The following ZNF385B variants were observed in gnomAD, a reference collection of about 807,000 sequenced individuals.
The protein encoded by ZNF385B is zinc finger protein 533.
A neutral mutation model predicts 39.2 loss-of-function variants in ZNF385B; 23 were observed. That is an observed-to-expected ratio of 0.59 (90% CI 0.42 to 0.83). The LOEUF (loss-of-function observed/expected upper bound fraction) is 0.83. Ranked by LOEUF, ZNF385B falls within the 40% of genes least tolerant of loss-of-function variation. ZNF385B has a pLI of 0.00. For synonymous variants in ZNF385B, 205 were observed against 222.6 expected (o/e 0.92, Z 0.70); for missense variants, 552 against 598.9 (o/e 0.92, Z 0.82).
intron 3 of ZNF385B, among the ~76,000 whole-genome samples, chr2:179,586,488 A>C (rs1687083551): frequency 6.6e-6 from 1 of 152,132 alleles, no homozygotes; most frequent in South Asian, 2.1e-4. Context: ...AAAGAAGCTA[A>C]ATGACTCGCC....
intron 3 of ZNF385B, among the ~76,000 whole-genome samples, chr2:179,755,549 A>G (rs1208734959): frequency 6.6e-6 from 1 of 152,086 alleles, no homozygotes; most frequent in Non-Finnish European, 1.5e-5. Flanking sequence ...GTCTCTCATT[A>G]TTATTTTGTG....
chr2:179,714,671 C>T (rs529258468), intron 3 of ZNF385B, among the ~76,000 whole-genome samples: 85 of 152,166 alleles, frequency 5.6e-4, no homozygotes, highest in African/African-American at 1.9e-3. Context: ...CCTGCCCAGG[C>T]GTGGTGGCTC....
intron 1 of ZNF385B, among the ~76,000 whole-genome samples, chr2:179,843,884 C>G (rs138102929): frequency 6.6e-6 from 1 of 152,350 alleles, no homozygotes; most frequent in African/African-American, 2.4e-5. Flanking sequence ...AAAAGGAATT[C>G]TAATAACATG....
chr2:179,596,137 C>G (rs1687981578), intron 3 of ZNF385B, among the ~76,000 whole-genome samples: 1 of 152,084 alleles, frequency 6.6e-6, no homozygotes, highest in Non-Finnish European at 1.5e-5. Context: ...GAACAATACC[C>G]ATTTATTACC....
chr2:179,542,340 A>G (rs2059971022), intron 4 of ZNF385B, among the ~76,000 whole-genome samples: 1 of 152,240 alleles, frequency 6.6e-6, no homozygotes, highest in Admixed American at 6.5e-5. Context: ...TGTTTGATAA[A>G]TGCCACACAT....
intron 4 of ZNF385B, among the ~76,000 whole-genome samples, chr2:179,534,041 G>A (rs187954312): frequency 1.1e-3 from 160 of 152,238 alleles, no homozygotes; most frequent in South Asian, 7.2e-3. Flanking sequence ...CAAATTCAGC[G>A]GCAGCACCTC....
At chr2:179,713,073 C>T (rs1203349647) in intron 3 of ZNF385B, among the ~76,000 whole-genome samples, 1 of 152,110 alleles carries the variant, frequency 6.6e-6, no homozygotes, top group African/African-American at 2.4e-5. Flanking sequence ...TGATTTTACC[C>T]AACTGTAGGC....
At chr2:179,714,028 A>C (rs1305521025) in intron 3 of ZNF385B, among the ~76,000 whole-genome samples, 1 of 152,220 alleles carries the variant, frequency 6.6e-6, no homozygotes, top group Non-Finnish European at 1.5e-5. Flanking sequence ...TACAGTGGTA[A>C]ACATTTGAAT....
intron 6 of ZNF385B, among the ~76,000 whole-genome samples, chr2:179,481,959 T>G (rs1405733279): frequency 6.6e-6 from 1 of 152,208 alleles, no homozygotes; most frequent in Non-Finnish European, 1.5e-5. Flanking sequence ...GTCAGAAGGT[T>G]TTGTTCTTTA....
chr2:179,804,533 T>C (rs1706231491), intron 1 of ZNF385B, among the ~76,000 whole-genome samples: 1 of 152,178 alleles, frequency 6.6e-6, no homozygotes, highest in Non-Finnish European at 1.5e-5. Flanking sequence ...TTACCTGTGT[T>C]CAAATTTAAC....
chr2:179,744,933 T>C (rs1011146862), intron 3 of ZNF385B, among the ~76,000 whole-genome samples: 4 of 151,976 alleles, frequency 2.6e-5, no homozygotes, highest in African/African-American at 9.7e-5. Flanking sequence ...TGCCCTTATC[T>C]AGTTGGCTTT....
chr2:179,839,601 T>A (rs1211087045), intron 1 of ZNF385B, among the ~76,000 whole-genome samples: 1 of 152,090 alleles, frequency 6.6e-6, no homozygotes, highest in Admixed American at 6.6e-5. Context: ...CGGCCACCTA[T>A]ATAAGTTAGG....
In ZNF385B at chr2:179,748,914, G is replaced by A. The variant is rs201170603; in HGVS notation, c.298+20589C>T. Among the ~76,000 whole-genome samples the A allele has an allele frequency of 6.6e-5, 10 of 152,064 alleles. No homozygotes were observed. The East Asian group carries it at 1.9e-3, about 29-fold the overall frequency. ...CCTGCACTGGGGAAGTGTCCAGGTG[G>A]CATTTATGTGAAGAGGGGTCTTTCT... On this transcript the variant is annotated intron_variant, in intron 3 of 9. Coordinates refer to ENST00000410066, the MANE Select transcript of ZNF385B (RefSeq NM_152520.6).
At chr2:179,483,801 C>T (rs549882789) in intron 5 of ZNF385B, among the ~76,000 whole-genome samples, 2 of 152,164 alleles carry the variant, frequency 1.3e-5, no homozygotes, top group African/African-American at 4.8e-5. Flanking sequence ...CCTACCCATG[C>T]CTGTGGGTAT....
At chr2:179,801,415 C>T (rs1706025161) in intron 1 of ZNF385B, among the ~76,000 whole-genome samples, 1 of 152,064 alleles carries the variant, frequency 6.6e-6, no homozygotes, top group African/African-American at 2.4e-5. Context: ...TCCTGTACTT[C>T]CTGTACTTCC....
At chr2:179,677,880 G>A (rs1697059036) in intron 3 of ZNF385B, among the ~76,000 whole-genome samples, 1 of 152,136 alleles carries the variant, frequency 6.6e-6, no homozygotes, top group East Asian at 1.9e-4. Context: ...TCTAGTTCAA[G>A]ATGCATTCCT....
intron 5 of ZNF385B, among the ~76,000 whole-genome samples, chr2:179,508,363 G>A (rs1374674155): frequency 2.0e-5 from 3 of 152,078 alleles, no homozygotes; most frequent in Admixed American, 2.0e-4. Flanking sequence ...TATTGTTAAG[G>A]ATTCTGCAAC....
intron 1 of ZNF385B, among the ~76,000 whole-genome samples, chr2:179,822,554 G>A (rs959588997): frequency 6.6e-6 from 1 of 152,152 alleles, no homozygotes; most frequent in Non-Finnish European, 1.5e-5. Context: ...CCACTCCTAA[G>A]CTGTGGAGGA....
intron 3 of ZNF385B, among the ~76,000 whole-genome samples, chr2:179,562,890 C>T (rs1408078821): frequency 6.6e-6 from 1 of 152,158 alleles, no homozygotes; most frequent in African/African-American, 2.4e-5. Context: ...AGGTGGGCAA[C>T]TAAATCTTTT....
Sources: allele counts gnomAD v4.1 joint callset (sites outside exome capture counted in the v4.1 genomes callset), GRCh38; gene constraint gnomAD v4.1.1; transcripts MANE v1.5; gene names NCBI Gene and HGNC (gene_info 2026-07-23, HGNC 2026-07-21).